The following TIMM23B variants were observed in gnomAD, a reference collection of about 807,000 sequenced individuals.
TIMM23B encodes the protein mitochondrial import inner membrane translocase subunit Tim23B.
TIMM23B carries 27 observed loss-of-function variants against 27.3 expected under a neutral mutation model. The observed-to-expected ratio is 0.99, with a 90% CI of 0.73 to 1.36. The LOEUF is 1.36. Among genes scored for constraint, TIMM23B ranks in the 40% most tolerant of loss-of-function variants. The pLI is 0.00. For synonymous variants in TIMM23B, 73 were observed against 92.4 expected (o/e 0.79, Z 1.21); for missense variants, 205 against 244.2 (o/e 0.84, Z 1.07).
intron 6 of TIMM23B, among the ~76,000 whole-genome samples, chr10:49,962,932 G>A (rs1839971645): frequency 6.8e-6 from 1 of 146,294 alleles, no homozygotes; most frequent in Non-Finnish European, 1.5e-5. Flanking sequence ...ACTCTCGTTG[G>A]CCAGACTGGA....
At position 49,942,301 on chromosome 10, in the gene TIMM23B, G is replaced by A; in HGVS notation, c.106+1G>A. The A allele has an allele frequency of 1.2e-6, 2 of 1,608,712 alleles. No individual in the cohort carries two copies. The highest frequency in any genetic ancestry group is 1.7e-6 in the Non-Finnish European group (2 of 1,177,196). ...CACGCGGATTTGGCTGGCGTCCCGC[G>A]TAAGTATGGGGCCTAGCTTGCGATT... On this transcript the variant is annotated splice_donor_variant, in intron 1 of 6. Coordinates refer to ENST00000651259, the MANE Select transcript of TIMM23B (RefSeq NM_001290117.2). LOFTEE classifies it high-confidence loss of function.
chr10:49,963,842 G>C (rs868908392), intron 6 of TIMM23B, among the ~76,000 whole-genome samples: 94 of 152,258 alleles, frequency 6.2e-4, no homozygotes, highest in African/African-American at 2.2e-3. Flanking sequence ...GCGGGTGCCT[G>C]TAATCCCAGC....
At position 49,971,131 on chromosome 10, in the gene TIMM23B, A is replaced by G. The variant is rs1387247387; in HGVS notation, c.515-1881A>G. 2.0e-5 allele frequency among the ~76,000 whole-genome samples: 3 copies of G among 152,176 alleles called. 1 individual carries two copies. The highest frequency in any genetic ancestry group is 2.0e-4 in the Admixed American group (3 of 15,282). ...TGTTAAACAGATGCTTGAAGGCAGCATGCTCCTTGAGAGTCATCACCGCTC... is the reference window on the plus strand; with the variant it reads ...TGTTAAACAGATGCTTGAAGGCAGCGTGCTCCTTGAGAGTCATCACCGCTC... On this transcript the variant is annotated intron_variant, in intron 6 of 6. Transcript: ENST00000651259.
intron 6 of TIMM23B, among the ~76,000 whole-genome samples, chr10:49,971,449 CAAAA>C (rs1241134210): frequency 4.6e-5 from 7 of 150,778 alleles, no homozygotes; most frequent in South Asian, 2.1e-4. Context: ...TTAAAACAAA[CAAAA>C]AAAGAGAATG....
chr10:49,959,616 TG>T lies in TIMM23B; in HGVS notation c.514+1137del, dbSNP rs1839831737. ...CTTAACGTCTAAAAGATTTTAATGATGTTTAATCCACATACTTGATTTTTTA... is the reference window on the plus strand; with the variant it reads ...CTTAACGTCTAAAAGATTTTAATGATTTTAATCCACATACTTGATTTTTTA... On this transcript the variant is annotated intron_variant, in intron 6 of 6. Coordinates refer to ENST00000651259, the MANE Select transcript of TIMM23B (RefSeq NM_001290117.2). 2.0e-5 allele frequency among the ~76,000 whole-genome samples: 3 copies of T among 152,376 alleles called. No individual in the cohort carries two copies. The South Asian group carries it at 6.2e-4, about 32-fold the overall frequency.
At chr10:49,952,905 A>T (rs1262070876) in intron 4 of TIMM23B, among the ~76,000 whole-genome samples, 2 of 152,112 alleles carry the variant, frequency 1.3e-5, no homozygotes, top group African/African-American at 4.8e-5. Flanking sequence ...AAGAATAAGC[A>T]GCTCATGAGA....
At chr10:49,948,586 T>C (rs1839425096) in intron 2 of TIMM23B, among the ~76,000 whole-genome samples, 1 of 152,218 alleles carries the variant, frequency 6.6e-6, no homozygotes, top group Non-Finnish European at 1.5e-5. Flanking sequence ...CCTTTAAAAC[T>C]TCCTAAATGA....
intron 6 of TIMM23B, among the ~76,000 whole-genome samples, chr10:49,965,524 A>C (rs1308171649): frequency 6.6e-6 from 1 of 151,026 alleles, no homozygotes; most frequent in Non-Finnish European, 1.5e-5. Context: ...AATGAAATGA[A>C]ACAAATGAAA....
chr10:49,954,760 A>ATTATTT (rs1242232290), intron 4 of TIMM23B, among the ~76,000 whole-genome samples: 3 of 147,596 alleles, frequency 2.0e-5, no homozygotes, highest in Non-Finnish European at 3.0e-5. Flanking sequence ...TATTATTATT[A>ATTATTT]TTAAGGACTT....
chr10:49,965,132 A>G (rs1840082852), intron 6 of TIMM23B, among the ~76,000 whole-genome samples: 1 of 152,192 alleles, frequency 6.6e-6, no homozygotes, highest in South Asian at 2.1e-4. Context: ...AGAGAGGAGA[A>G]TCGCTTGTAC....
intron 5 of TIMM23B, among the ~76,000 whole-genome samples, chr10:49,957,957 A>G (rs1839780568): frequency 6.6e-6 from 1 of 152,178 alleles, no homozygotes. Context: ...CTCTTCTGAA[A>G]TGGGGGTCTT....
intron 6 of TIMM23B, among the ~76,000 whole-genome samples, chr10:49,971,191 G>A (rs1840429131): frequency 1.3e-5 from 2 of 152,030 alleles, no homozygotes; most frequent in East Asian, 1.9e-4. Flanking sequence ...CAAAAACTGC[G>A]GAAGGCCGCA....
At chr10:49,970,636 C>T (rs1387342000) in intron 6 of TIMM23B, among the ~76,000 whole-genome samples, 1 of 150,226 alleles carries the variant, frequency 6.7e-6, no homozygotes, top group Non-Finnish European at 1.5e-5. Context: ...AGCCCCCGCC[C>T]GGCCAGCTGC....
chr10:49,954,374 A>AT, intron 4 of TIMM23B: 3 of 415,474 alleles, frequency 7.2e-6, no homozygotes, highest in South Asian at 6.1e-5. Flanking sequence ...TGTGCTGAGC[A>AT]TTCACCTTGG....
chr10:49,970,617 T>TG (rs1241774323), intron 6 of TIMM23B, among the ~76,000 whole-genome samples: 1 of 138,100 alleles, frequency 7.2e-6, no homozygotes, highest in African/African-American at 2.8e-5. Flanking sequence ...GTCCGGGAGG[T>TG]GGGGGGGCAG....
At chr10:49,954,435 C>G (rs1158960648) in intron 4 of TIMM23B, 5 of 250,402 alleles carry the variant, frequency 2.0e-5, no homozygotes, top group Non-Finnish European at 3.2e-5. Context: ...CCCATGTATT[C>G]TAGTTAGATG....
chr10:49,970,630 C>G (rs1455274198), intron 6 of TIMM23B, among the ~76,000 whole-genome samples: 2 of 150,344 alleles, frequency 1.3e-5, no homozygotes, highest in Admixed American at 6.6e-5. Flanking sequence ...GGGGGCAGCC[C>G]CCGCCCGGCC....
At chr10:49,962,392 G>A (rs1486682971) in intron 6 of TIMM23B, among the ~76,000 whole-genome samples, 2 of 151,906 alleles carry the variant, frequency 1.3e-5, no homozygotes, top group South Asian at 2.1e-4. Flanking sequence ...TAATAGAGTC[G>A]GGGTTTCACC....
intron 5 of TIMM23B, among the ~76,000 whole-genome samples, chr10:49,955,559 CA>C (rs1839688389): frequency 6.6e-6 from 1 of 152,182 alleles, no homozygotes; most frequent in African/African-American, 2.4e-5. Flanking sequence ...CAGTTCTAGG[CA>C]AAAGGTAATT....
Sources: allele counts gnomAD v4.1 joint callset (sites outside exome capture counted in the v4.1 genomes callset), GRCh38; gene constraint gnomAD v4.1.1; transcripts MANE v1.5; gene names NCBI Gene and HGNC (gene_info 2026-07-23, HGNC 2026-07-21).